Variants in ART3 observed in about 807,000 individuals in gnomAD.
ART3 encodes the protein ADP-ribosyltransferase 3 (inactive), also known as ecto-ADP-ribosyltransferase 3.
Under a neutral mutation model 48.5 loss-of-function variants are expected in ART3, and 49 were observed. That is an observed-to-expected ratio of 1.01 (90% CI 0.80 to 1.28). ART3 has a LOEUF of 1.28. ART3 is among the 50% of genes most tolerant of loss of function. ART3 has a pLI of 0.00. For missense variants in ART3, 438 were observed against 454.3 expected (o/e 0.96, Z 0.33); for synonymous variants, 145 against 157.2 (o/e 0.92, Z 0.58).
intron 1 of ART3, among the ~76,000 whole-genome samples, chr4:76,050,719 C>T (rs35028295): frequency 0.32 from 48,092 of 151,802 alleles, 8,702 homozygotes; most frequent in African/African-American, 0.47. Flanking sequence ...TGGCACTTGT[C>T]GCGGAGGCTC....
chr4:76,085,905 C>T (rs11732662), intron 3 of ART3, among the ~76,000 whole-genome samples: 4,058 of 152,242 alleles, frequency 0.027, 85 homozygotes, highest in Middle Eastern at 0.088. Context: ...AATACCATCT[C>T]TACTAAAAAT....
intron 9 of ART3, 90 bp downstream of exon 9, chr4:76,104,059 A>C: frequency 7.5e-7 from 1 of 1,329,774 alleles, no homozygotes; most frequent in Non-Finnish European, 1.1e-6. Flanking sequence ...TGAGACTATT[A>C]TTCATGAATA....
rs1453567140 is a variant in ART3, at chr4:76,051,896, C to CT, written c.-9-23984dup. 7.2e-3 allele frequency among the ~76,000 whole-genome samples: 723 copies of CT among 100,084 alleles called. 12 individuals carry two copies. The highest frequency in any genetic ancestry group is 0.028 in the African/African-American group (702 of 25,344). 65.7% of individuals were successfully genotyped at this position (100,084 alleles called of 152,430 possible). Reference sequence around the variant, plus strand: ...GAGTTTATGTTGTATCTCTCTCTCTCTCTTTTTTTTTTTTTTTTTTTTTTG... The same window carrying CT: ...GAGTTTATGTTGTATCTCTCTCTCTCTTCTTTTTTTTTTTTTTTTTTTTTTG... On this transcript the variant is annotated intron_variant, in intron 1 of 9. Transcript: ENST00000341029.
At chr4:76,096,702 C>T (rs1220826813) in intron 3 of ART3, among the ~76,000 whole-genome samples, 1 of 152,164 alleles carries the variant, frequency 6.6e-6, no homozygotes, top group Non-Finnish European at 1.5e-5. Context: ...CACTGCAGTG[C>T]TGACAACTTT....
At chr4:76,059,409 C>T (rs1718985373) in intron 1 of ART3, among the ~76,000 whole-genome samples, 1 of 148,608 alleles carries the variant, frequency 6.7e-6, no homozygotes, top group Non-Finnish European at 1.5e-5. Context: ...ATCTCCAGTC[C>T]TTTTCTCTAT....
intron 2 of ART3, among the ~76,000 whole-genome samples, chr4:76,076,294 G>A (rs958551513): frequency 2.6e-5 from 4 of 151,986 alleles, no homozygotes; most frequent in Admixed American, 6.6e-5. Flanking sequence ...GTGAGCCACC[G>A]CGCTTGGCCT....
intron 1 of ART3, among the ~76,000 whole-genome samples, chr4:76,031,646 T>C (rs1733878773): frequency 6.6e-6 from 1 of 152,228 alleles, no homozygotes; most frequent in South Asian, 2.1e-4. Context: ...CTAATTATGA[T>C]TCCTAAAAAT....
At chr4:76,082,978 A>G (rs895481893) in intron 3 of ART3, among the ~76,000 whole-genome samples, 5 of 152,168 alleles carry the variant, frequency 3.3e-5, no homozygotes, top group African/African-American at 1.2e-4. Context: ...AAGGCTTACA[A>G]TAAATAAATA....
At chr4:76,048,861 C>A (rs1003360496) in intron 1 of ART3, among the ~76,000 whole-genome samples, 10 of 151,900 alleles carry the variant, frequency 6.6e-5, no homozygotes, top group Non-Finnish European at 1.2e-4. Flanking sequence ...GAGTCCTAAG[C>A]ATTCTCCTGT....
chr4:76,018,289 C>A (rs1001561646), intron 1 of ART3, among the ~76,000 whole-genome samples: 1 of 152,186 alleles, frequency 6.6e-6, no homozygotes, highest in Non-Finnish European at 1.5e-5. Flanking sequence ...TTTGCAGCAA[C>A]AGAGATGAAG....
chr4:76,095,281 G>A (rs912116972), intron 3 of ART3, among the ~76,000 whole-genome samples: 3 of 152,182 alleles, frequency 2.0e-5, no homozygotes, highest in African/African-American at 7.2e-5. Context: ...GATGAGGCAG[G>A]TGGATCATCC....
chr4:76,056,045 C>G (rs1718647816), intron 1 of ART3, among the ~76,000 whole-genome samples: 1 of 152,202 alleles, frequency 6.6e-6, no homozygotes, highest in Non-Finnish European at 1.5e-5. Context: ...GGTCTTGTGA[C>G]CTTCCAGAGG....
At chr4:76,060,361 C>T (rs1410284209) in intron 1 of ART3, among the ~76,000 whole-genome samples, 1 of 152,070 alleles carries the variant, frequency 6.6e-6, no homozygotes, top group Non-Finnish European at 1.5e-5. Flanking sequence ...CTGTGACAAT[C>T]AACTGTTTTC....
chr4:76,077,651 T>G (rs1035109261), intron 2 of ART3, among the ~76,000 whole-genome samples: 11 of 152,232 alleles, frequency 7.2e-5, no homozygotes, highest in Non-Finnish European at 1.0e-4. Context: ...TTGGGGGTTA[T>G]GATTTATGAT....
In ART3 at chr4:76,081,966, A is replaced by C. The variant is rs1474918601; in HGVS notation, c.212A>C (p.Glu71Ala). ...CACCAGCAATTAGATACTGTGTGGG[A>C]AAATGCAAAAGCCAAATGGGCAGCC... ...ASHQQLDTVW[E>A]NAKAKWAARK... is the part of the protein sequence containing the mutation. Residue 71 changes from glutamate to alanine, a missense_variant, in exon 3 of 12, where the codon GAA becomes GCA. Glu to Ala is a moderately radical substitution (Grantham distance 107). This residue lies in a region of ART3 where 206 missense variants were observed against 205.3 expected (regional missense o/e 1.00). Transcript: ENST00000355810. 6.2e-7 allele frequency: 1 copy of C among 1,614,196 alleles called. No homozygotes were observed. The highest frequency in any genetic ancestry group is 2.2e-5 in the East Asian group (1 of 44,892).
upstream of ART3, among the ~76,000 whole-genome samples, chr4:76,069,944 C>A (rs1720148246): frequency 6.6e-6 from 1 of 151,734 alleles, no homozygotes; most frequent in Admixed American, 6.6e-5. Flanking sequence ...GGGCATATAC[C>A]CAAGATATAT....
In ART3 at chr4:76,101,032, T is replaced by C. The variant is rs754935834; in HGVS notation, c.937+13T>C. The stretch of plus-strand genomic sequence containing the variant: ...CTTGAAGACCATGGTAAGACATTTA[T>C]GTAAATTCTGGGGGCTTACATTTTG... On this transcript the variant is annotated intron_variant, in intron 8 of 11. Coordinates refer to ENST00000355810, the MANE Select transcript of ART3 (RefSeq NM_001130016.3). 1.1e-5 allele frequency: 17 copies of C among 1,612,808 alleles called. No homozygotes were observed. In the African/African-American group the frequency reaches 1.6e-4, roughly 15 times the overall value.
intron 11 of ART3, among the ~76,000 whole-genome samples, chr4:76,111,357 T>C (rs1729441298): frequency 6.6e-6 from 1 of 152,182 alleles, no homozygotes; most frequent in African/African-American, 2.4e-5. Flanking sequence ...CAAGAAAAAG[T>C]TGAATTGCTT....
chr4:76,029,787 A>G (rs1733715334), intron 1 of ART3, among the ~76,000 whole-genome samples: 1 of 152,172 alleles, frequency 6.6e-6, no homozygotes, highest in Admixed American at 6.5e-5. Flanking sequence ...AAACTACTCC[A>G]TTTGTTTGAA....
Sources: allele counts gnomAD v4.1 joint callset (sites outside exome capture counted in the v4.1 genomes callset), GRCh38; gene constraint gnomAD v4.1.1; regional missense constraint gnomAD v4.1.1; transcripts MANE v1.5; gene names NCBI Gene and HGNC (gene_info 2026-07-23, HGNC 2026-07-21).